Variants in PDE1A observed in about 807,000 individuals in gnomAD.
PDE1A encodes dual specificity calcium/calmodulin-dependent 3',5'-cyclic nucleotide phosphodiesterase 1A.
In PDE1A, 35 loss-of-function variants were observed where a neutral mutation model predicts 61.7. The ratio of observed to expected loss-of-function variants is 0.57; its 90% CI spans 0.43 to 0.75. The LOEUF is 0.75. PDE1A is among the 30% of genes least tolerant of loss of function. The pLI is 0.00. For synonymous variants in PDE1A, 232 were observed against 213.2 expected (o/e 1.09, Z -0.77); for missense variants, 597 against 630.6 (o/e 0.95, Z 0.57).
At chr2:182,313,955 G>A (rs1029933736) in intron 1 of PDE1A, among the ~76,000 whole-genome samples, 1 of 152,206 alleles carries the variant, frequency 6.6e-6, no homozygotes, top group Non-Finnish European at 1.5e-5. Context: ...AAATGAAGCA[G>A]TCACTGTGGA....
intron 1 of PDE1A, among the ~76,000 whole-genome samples, chr2:182,344,848 G>A (rs113162828): frequency 1.8e-3 from 271 of 152,100 alleles, no homozygotes; most frequent in Middle Eastern, 6.8e-3. Flanking sequence ...CAAGTTCAAA[G>A]TGCCAGTTAT....
At chr2:182,147,395 G>A (rs1357967463) in intron 13 of PDE1A, among the ~76,000 whole-genome samples, 3 of 152,020 alleles carry the variant, frequency 2.0e-5, no homozygotes, top group Non-Finnish European at 2.9e-5. Context: ...TGAAAATACA[G>A]AAATAAAATA....
At chr2:182,259,918 T>A (rs1019082055) in intron 2 of PDE1A, among the ~76,000 whole-genome samples, 2 of 152,212 alleles carry the variant, frequency 1.3e-5, no homozygotes, top group African/African-American at 4.8e-5. Context: ...CTTTGTAAGT[T>A]TGAAAAACAA....
the PDE1A span, among the ~76,000 whole-genome samples, chr2:182,679,169 AATTATT>A: frequency 1.4e-4 from 20 of 145,086 alleles, no homozygotes; most frequent in East Asian, 8.0e-4. Flanking sequence ...CATGCCTGGA[AATTATT>A]ATTATTATTA....
chr2:182,645,214 C>T, the PDE1A span, among the ~76,000 whole-genome samples: 1 of 152,124 alleles, frequency 6.6e-6, no homozygotes, highest in African/African-American at 2.4e-5. Flanking sequence ...TCTCTATCTC[C>T]TGACCTCGTG....
At chr2:182,178,046 C>T (rs920443725) in intron 13 of PDE1A, among the ~76,000 whole-genome samples, 2 of 152,052 alleles carry the variant, frequency 1.3e-5, no homozygotes, top group Non-Finnish European at 2.9e-5. Context: ...TTTTGTGTGT[C>T]TCGATGAGCT....
At chr2:182,358,565 T>C (rs1252931274) in intron 1 of PDE1A, among the ~76,000 whole-genome samples, 1 of 152,166 alleles carries the variant, frequency 6.6e-6, no homozygotes, top group Non-Finnish European at 1.5e-5. Context: ...TTTGTTCAGA[T>C]TTATTTCACA....
intron 13 of PDE1A, among the ~76,000 whole-genome samples, chr2:182,149,733 A>G (rs1193137552): frequency 6.6e-6 from 1 of 152,156 alleles, no homozygotes; most frequent in Non-Finnish European, 1.5e-5. Context: ...AACAATTTGC[A>G]TTTTCAATCC....
At chr2:182,593,566 G>A in the PDE1A span, among the ~76,000 whole-genome samples, 1 of 152,182 alleles carries the variant, frequency 6.6e-6, no homozygotes, top group Non-Finnish European at 1.5e-5. Flanking sequence ...ACCCGTGGGA[G>A]GGAATTTGTG....
At chr2:182,154,909 C>A (rs184089128) in intron 13 of PDE1A, among the ~76,000 whole-genome samples, 1 of 152,064 alleles carries the variant, frequency 6.6e-6, no homozygotes, top group East Asian at 1.9e-4. Context: ...AATACTACTA[C>A]TAACAAATTA....
intron 1 of PDE1A, among the ~76,000 whole-genome samples, chr2:182,424,074 A>G (rs1451207297): frequency 6.6e-6 from 1 of 151,212 alleles, no homozygotes; most frequent in African/African-American, 2.4e-5. Context: ...CCTCCCAAGT[A>G]GCTGGGACTA....
chr2:182,551,567 G>A, the PDE1A span, among the ~76,000 whole-genome samples: 1 of 152,172 alleles, frequency 6.6e-6, no homozygotes, highest in Non-Finnish European at 1.5e-5. Flanking sequence ...ATTAAAAGCA[G>A]CCACCACTTC....
At chr2:182,156,712 T>A (rs2125286984) in intron 13 of PDE1A, among the ~76,000 whole-genome samples, 1 of 152,278 alleles carries the variant, frequency 6.6e-6, no homozygotes, top group South Asian at 2.1e-4. Context: ...TACTATTCTC[T>A]GTGATAAAAC....
At chr2:182,621,933 C>T in the PDE1A span, among the ~76,000 whole-genome samples, 1 of 152,010 alleles carries the variant, frequency 6.6e-6, no homozygotes, top group South Asian at 2.1e-4. Flanking sequence ...TGGAAATAGC[C>T]TCAAGAGAGA....
the PDE1A span, among the ~76,000 whole-genome samples, chr2:182,583,340 T>A: frequency 6.6e-6 from 1 of 152,240 alleles, no homozygotes; most frequent in African/African-American, 2.4e-5. Flanking sequence ...AAAATTATTA[T>A]AAAGATATAG....
chr2:182,583,825 T>G, the PDE1A span, among the ~76,000 whole-genome samples: 3 of 152,302 alleles, frequency 2.0e-5, no homozygotes, highest in Non-Finnish European at 4.4e-5. Flanking sequence ...AAATCACCTA[T>G]TTAGTGTTCC....
chr2:182,158,332 T>C (rs974985249), intron 13 of PDE1A, among the ~76,000 whole-genome samples: 21 of 152,240 alleles, frequency 1.4e-4, no homozygotes, highest in Non-Finnish European at 2.2e-4. Context: ...TTAACTGTCC[T>C]GATGGAGGCA....
intron 9 of PDE1A, 41 bp downstream of exon 9, chr2:182,201,647 T>TAAAAAAAAAAA: frequency 1.8e-6 from 1 of 569,398 alleles, no homozygotes; most frequent in East Asian, 5.3e-5. Context: ...AACTTTAACA[T>TAAAAAAAAAAA]GACAAAAAAA....
intron 1 of PDE1A, among the ~76,000 whole-genome samples, chr2:182,415,377 T>G (rs1413093972): frequency 6.6e-6 from 1 of 152,154 alleles, no homozygotes; most frequent in Non-Finnish European, 1.5e-5. Context: ...TTTTAGCATT[T>G]TGGATACTAG....
Sources: allele counts gnomAD v4.1 joint callset (sites outside exome capture counted in the v4.1 genomes callset), GRCh38; gene constraint gnomAD v4.1.1; transcripts MANE v1.5; gene names NCBI Gene and HGNC (gene_info 2026-07-23, HGNC 2026-07-21).